CSMD3: variants seen among roughly 807,000 people sequenced by gnomAD.
The protein encoded by CSMD3 is CUB and sushi domain-containing protein 3.
CSMD3 carries 177 observed loss-of-function variants against 435.2 expected under a neutral mutation model. The observed-to-expected ratio is 0.41, with a 90% CI of 0.36 to 0.46. The LOEUF is 0.46. Among genes scored for constraint, CSMD3 ranks in the 20% least tolerant of loss-of-function variants. The pLI, the probability that CSMD3 is intolerant of heterozygous loss-of-function variation, is 0.34. For synonymous variants in CSMD3, 1,656 were observed against 1,520.5 expected (o/e 1.09, Z -2.07); for missense variants, 4,265 against 4,504.6 (o/e 0.95, Z 1.52).
chr8:112,980,047 T>C (rs1348443584), intron 6 of CSMD3, among the ~76,000 whole-genome samples: 1 of 150,910 alleles, frequency 6.6e-6, no homozygotes. Flanking sequence ...ATAGTAATAG[T>C]ACAATGTTAA....
intron 16 of CSMD3, among the ~76,000 whole-genome samples, chr8:112,676,041 AT>A (rs1176868247): frequency 6.6e-6 from 1 of 152,148 alleles, no homozygotes; most frequent in Non-Finnish European, 1.5e-5. Flanking sequence ...AATGACTGAA[AT>A]AATAGAGTTG....
intron 4 of CSMD3, among the ~76,000 whole-genome samples, chr8:113,099,637 T>A (rs903567536): frequency 3.3e-5 from 5 of 152,070 alleles, no homozygotes; most frequent in African/African-American, 4.8e-5. Flanking sequence ...CATAAATAAC[T>A]TTTTGACTAA....
chr8:113,216,869 G>T (rs2092912097), intron 3 of CSMD3, among the ~76,000 whole-genome samples: 1 of 151,822 alleles, frequency 6.6e-6, no homozygotes, highest in South Asian at 2.1e-4. Flanking sequence ...CAAGAAGGGG[G>T]TCTTGAGTGT....
chr8:113,091,248 T>G (rs185612513), intron 5 of CSMD3, among the ~76,000 whole-genome samples: 15 of 152,230 alleles, frequency 9.9e-5, no homozygotes, highest in Non-Finnish European at 1.5e-4. Flanking sequence ...CATGAAAGTA[T>G]TTATTAAAGT....
chr8:112,314,730 G>A (rs1464781471), intron 47 of CSMD3, 113 bp from the exon 48 acceptor site: 4 of 759,486 alleles, frequency 5.3e-6, no homozygotes, highest in African/African-American at 1.7e-5. Flanking sequence ...AGGATGATAC[G>A]TTGAATTATT....
At chr8:112,311,951 A>T (rs1201694919) in intron 49 of CSMD3, among the ~76,000 whole-genome samples, 1 of 152,168 alleles carries the variant, frequency 6.6e-6, no homozygotes, top group Admixed American at 6.6e-5. Context: ...GCAAAAATAC[A>T]TATTTAATAT....
chr8:113,325,465 C>T (rs969529806), intron 1 of CSMD3, among the ~76,000 whole-genome samples: 7 of 152,294 alleles, frequency 4.6e-5, no homozygotes, highest in African/African-American at 1.7e-4. Flanking sequence ...ATGTGACTTT[C>T]TCCTCCTTGC....
chr8:112,579,331 G>C (rs1332750801), intron 23 of CSMD3, among the ~76,000 whole-genome samples: 2 of 152,096 alleles, frequency 1.3e-5, no homozygotes, highest in South Asian at 4.1e-4. Flanking sequence ...TGTAGCATTT[G>C]CCAATTTCTA....
At chr8:112,302,204 T>TC (rs1820988702) in intron 52 of CSMD3, among the ~76,000 whole-genome samples, 1 of 79,058 alleles carries the variant, frequency 1.3e-5, no homozygotes, top group African/African-American at 4.3e-5. Flanking sequence ...ATAAAGTTCT[T>TC]TTTTTTTCAT....
intron 13 of CSMD3, among the ~76,000 whole-genome samples, chr8:112,714,362 A>G (rs893010673): frequency 1.3e-4 from 20 of 152,224 alleles, no homozygotes; most frequent in African/African-American, 4.8e-4. Flanking sequence ...GATCAATTCA[A>G]TATGAAGAGC....
At chr8:113,388,775 C>T (rs1029038113) in intron 1 of CSMD3, among the ~76,000 whole-genome samples, 3 of 151,596 alleles carry the variant, frequency 2.0e-5, no homozygotes, top group Non-Finnish European at 3.0e-5. Context: ...ATTTGAATTG[C>T]GCTTTTCACA....
chr8:112,880,030 T>G (rs2081404107), intron 10 of CSMD3, among the ~76,000 whole-genome samples: 1 of 151,994 alleles, frequency 6.6e-6, no homozygotes, highest in Admixed American at 6.6e-5. Flanking sequence ...GTAACAAACC[T>G]GCACATTCTG....
intron 13 of CSMD3, among the ~76,000 whole-genome samples, chr8:112,795,707 C>A (rs1366977833): frequency 6.6e-6 from 1 of 152,130 alleles, no homozygotes; most frequent in Non-Finnish European, 1.5e-5. Context: ...ACCCTCTAGA[C>A]ATGTCATGTG....
chr8:113,174,387 G>A (rs2092316529), intron 3 of CSMD3, among the ~76,000 whole-genome samples: 1 of 151,998 alleles, frequency 6.6e-6, no homozygotes, highest in African/African-American at 2.4e-5. Flanking sequence ...AAAATACAGT[G>A]GAGTAGTAAA....
chr8:112,283,584 T>A (rs1278522962), intron 58 of CSMD3, among the ~76,000 whole-genome samples: 4 of 151,644 alleles, frequency 2.6e-5, no homozygotes, highest in African/African-American at 9.7e-5. Flanking sequence ...ATTTACTCTT[T>A]TTTATTTCTA....
intron 27 of CSMD3, among the ~76,000 whole-genome samples, chr8:112,532,157 G>A (rs529423740): frequency 6.6e-6 from 1 of 151,998 alleles, no homozygotes; most frequent in African/African-American, 2.4e-5. Context: ...TGACATGGAA[G>A]ATAGGTTATT....
chr8:112,545,496 AAAAAAAATAAT>A (rs1308427161), intron 27 of CSMD3, among the ~76,000 whole-genome samples: 3 of 141,986 alleles, frequency 2.1e-5, no homozygotes, highest in South Asian at 2.2e-4. Flanking sequence ...AAAAAAAAAA[AAAAAAAATAAT>A]AATAATAATA....
At chr8:112,775,353 A>T (rs761079426) in intron 13 of CSMD3, among the ~76,000 whole-genome samples, 3 of 151,900 alleles carry the variant, frequency 2.0e-5, no homozygotes, top group Non-Finnish European at 2.9e-5. Flanking sequence ...AAATCCAAAA[A>T]CTAGAAGTAT....
chr8:112,414,614 A>T (rs953084651), intron 32 of CSMD3, among the ~76,000 whole-genome samples: 2 of 152,202 alleles, frequency 1.3e-5, no homozygotes, highest in African/African-American at 4.8e-5. Flanking sequence ...AAGATACCTG[A>T]AAATGTGGAA....
Sources: allele counts gnomAD v4.1 joint callset (sites outside exome capture counted in the v4.1 genomes callset), GRCh38; gene constraint gnomAD v4.1.1; transcripts MANE v1.5; gene names NCBI Gene and HGNC (gene_info 2026-07-23, HGNC 2026-07-21).